CD1B: variants seen among roughly 807,000 people sequenced by gnomAD.
CD1B encodes CD1b molecule, also known as T-cell surface glycoprotein CD1b.
Under a neutral mutation model 39.8 loss-of-function variants are expected in CD1B, and 43 were observed. The observed-to-expected ratio is 1.08, with a 90% CI of 0.85 to 1.39. The LOEUF is 1.39. Among genes scored for constraint, CD1B ranks in the 40% most tolerant of loss-of-function variants. The pLI, the probability that CD1B is intolerant of heterozygous loss-of-function variation, is 0.00. For synonymous variants in CD1B, 192 were observed against 152.5 expected, an observed-to-expected ratio of 1.26 and a Z score of -1.91; for missense variants, 495 against 403.8, an observed-to-expected ratio of 1.23 and a Z score of -1.94.
At chr1:158,288,351 A>G in the CD1B span, among the ~76,000 whole-genome samples, 1 of 152,242 alleles carries the variant, frequency 6.6e-6, no homozygotes, top group African/African-American at 2.4e-5. Context: ...CACAGTAAAT[A>G]CATAGAATAA....
At chr1:158,291,081 T>G in the CD1B span, 13 of 1,543,748 alleles carry the variant, frequency 8.4e-6, no homozygotes, top group Non-Finnish European at 1.1e-5. Flanking sequence ...CCATTTTCCT[T>G]GCCTCTCTTT....
the CD1B span, among the ~76,000 whole-genome samples, chr1:158,306,088 C>A: frequency 6.6e-6 from 1 of 152,138 alleles, no homozygotes; most frequent in Admixed American, 6.6e-5. Flanking sequence ...ACAATATTAA[C>A]TTTAAATGTA....
chr1:158,325,177 C>A (rs1356346449), downstream of CD1B, among the ~76,000 whole-genome samples: 10 of 152,000 alleles, frequency 6.6e-5, no homozygotes, highest in Non-Finnish European at 1.3e-4. Context: ...ATATATTTTT[C>A]TTTCACCCCT....
Position 158,330,120 on chromosome 1 carries a change from C to G in CD1B, c.339G>C (p.Glu113Asp). 3.1e-6 allele frequency: 5 copies of G among 1,612,548 alleles called. No homozygotes were observed. Among genetic ancestry groups the G allele is most frequent in the Non-Finnish European group, 4.2e-6 (5 of 1,179,410 alleles). The change falls in exon 3 of 6, where the codon GAG (glutamate) becomes GAC (aspartate). Residue 113 changes from glutamate (E) to aspartate (D), a missense_variant. Transcript: ENST00000368168. The stretch of plus-strand genomic sequence containing the variant: ...GCTCACAGCCTGCTATGCCCTGGAT[C>G]TCAAAGGGGTCTATGTAGAGGGAAA... ...AGDFQMKYPF[E>D]IQGIAGCELH...
At chr1:158,289,486 A>G in the CD1B span, among the ~76,000 whole-genome samples, 1 of 152,210 alleles carries the variant, frequency 6.6e-6, no homozygotes. Context: ...AACGTCTCCA[A>G]TTTATAAAAG....
the CD1B span, among the ~76,000 whole-genome samples, chr1:158,313,030 C>A: frequency 7.9e-5 from 12 of 152,024 alleles, no homozygotes; most frequent in Non-Finnish European, 1.5e-4. Context: ...CCTTATATAC[C>A]TAATTTATTG....
chr1:158,299,869 T>C, the CD1B span, among the ~76,000 whole-genome samples: 1 of 152,196 alleles, frequency 6.6e-6, no homozygotes, highest in Non-Finnish European at 1.5e-5. Flanking sequence ...TATATGATTC[T>C]TCTCTCTTTT....
downstream of CD1B, among the ~76,000 whole-genome samples, chr1:158,326,574 T>G (rs142120276): frequency 8.3e-4 from 126 of 152,262 alleles, 1 homozygote; most frequent in East Asian, 0.024. Context: ...ATATATTTAA[T>G]GATATTAAGA....
chr1:158,292,063 C>G, the CD1B span: 2 of 1,588,798 alleles, frequency 1.3e-6, no homozygotes, highest in South Asian at 2.3e-5. Flanking sequence ...AACTCTTTTT[C>G]TCATTCCTCC....
the CD1B span, chr1:158,293,566 A>G: frequency 5.0e-6 from 8 of 1,613,762 alleles, no homozygotes; most frequent in African/African-American, 8.0e-5. Context: ...TCGACTCTCC[A>G]TTTAAATTGT....
the CD1B span, among the ~76,000 whole-genome samples, chr1:158,289,075 G>C: frequency 6.6e-6 from 1 of 152,146 alleles, no homozygotes; most frequent in Non-Finnish European, 1.5e-5. Flanking sequence ...TGTTCTTCCA[G>C]GACTTCAAAT....
chr1:158,294,304 T>A, the CD1B span, among the ~76,000 whole-genome samples: 2 of 152,252 alleles, frequency 1.3e-5, no homozygotes, highest in African/African-American at 4.8e-5. Context: ...TAGCCTTGGC[T>A]AAACTTTAGT....
chr1:158,326,760 A>G (rs1234984675), downstream of CD1B, among the ~76,000 whole-genome samples: 2 of 152,004 alleles, frequency 1.3e-5, no homozygotes, highest in Non-Finnish European at 2.9e-5. Context: ...GATAGTTTTT[A>G]TACTGCTTTA....
chr1:158,327,865 TA>T (rs1489136550), downstream of CD1B: 3 of 171,472 alleles, frequency 1.7e-5, no homozygotes, highest in African/African-American at 7.1e-5. Flanking sequence ...CTGGCATAAT[TA>T]TATTTGGTTT....
the CD1B span, chr1:158,292,069 C>T: frequency 1.7e-5 from 27 of 1,594,912 alleles, no homozygotes; most frequent in Non-Finnish European, 2.3e-5. Context: ...TTTTCTCATT[C>T]CTCCCTTCCT....
At chr1:158,324,096 G>C (rs117859160), downstream of CD1B, among the ~76,000 whole-genome samples, 1 of 152,184 alleles carries the variant, frequency 6.6e-6, no homozygotes, top group Middle Eastern at 3.2e-3. Context: ...AACATTTAAC[G>C]GACAGAAGAG....
At chr1:158,309,935 A>T in the CD1B span, among the ~76,000 whole-genome samples, 4 of 152,182 alleles carry the variant, frequency 2.6e-5, no homozygotes, top group African/African-American at 9.6e-5. Flanking sequence ...TACATATGTA[A>T]CTAACCTGCA....
chr1:158,310,956 T>C, the CD1B span, among the ~76,000 whole-genome samples: 1 of 152,186 alleles, frequency 6.6e-6, no homozygotes, highest in Non-Finnish European at 1.5e-5. Context: ...ATGGGTACTA[T>C]GCTCATTACC....
the CD1B span, chr1:158,293,527 G>C: frequency 6.2e-7 from 1 of 1,613,778 alleles, no homozygotes; most frequent in Non-Finnish European, 8.5e-7. Flanking sequence ...CAACCCAGGA[G>C]CCTAGTACAA....
Sources: gnomAD v4.1 joint callset for allele counts (sites outside exome capture counted in the v4.1 genomes callset) on GRCh38, gnomAD v4.1.1 for gene constraint, MANE v1.5 for transcripts, NCBI Gene and HGNC (gene_info 2026-07-23, HGNC 2026-07-21) for gene names.